Variants in LNX1 observed in about 807,000 individuals in gnomAD.
The protein encoded by LNX1 is ligand of numb-protein X 1.
Under a neutral mutation model 68.4 loss-of-function variants are expected in LNX1, and 54 were observed. That is an observed-to-expected ratio of 0.79 (90% CI 0.63 to 0.99). The LOEUF is 0.99. Among genes scored for constraint, LNX1 ranks in the 50% least tolerant of loss-of-function variants. The pLI, the probability that LNX1 is intolerant of heterozygous loss-of-function variation, is 0.00. For missense variants in LNX1, 906 were observed against 926.4 expected, an observed-to-expected ratio of 0.98 and a Z score of 0.29; for synonymous variants, 336 against 350.0, an observed-to-expected ratio of 0.96 and a Z score of 0.45.
At chr4:53,491,155 A>G (rs1363471130) in intron 6 of LNX1, among the ~76,000 whole-genome samples, 1 of 152,174 alleles carries the variant, frequency 6.6e-6, no homozygotes, top group Non-Finnish European at 1.5e-5. Flanking sequence ...ATTGCGAAGT[A>G]TAGTTGGCAA....
At chr4:53,617,727 C>A (rs1351327594), upstream of LNX1, among the ~76,000 whole-genome samples, 1 of 152,170 alleles carries the variant, frequency 6.6e-6, no homozygotes, top group African/African-American at 2.4e-5. Context: ...TTCAGTCCAG[C>A]CACTAAATTG....
chr4:53,601,523 G>A (rs552663948), intron 2 of LNX1, among the ~76,000 whole-genome samples: 144 of 152,306 alleles, frequency 9.5e-4, no homozygotes, highest in Middle Eastern at 3.4e-3. Context: ...AACACTGTTC[G>A]CGTTCTGGCC....
chr4:53,474,127 T>C (rs1428965146), intron 9 of LNX1, among the ~76,000 whole-genome samples: 1 of 152,256 alleles, frequency 6.6e-6, no homozygotes, highest in Non-Finnish European at 1.5e-5. Flanking sequence ...GCTGTTTAGA[T>C]GTACCATAAC....
At chr4:53,649,188 A>G (rs1735000631) in intron 1 of LNX1, among the ~76,000 whole-genome samples, 1 of 152,130 alleles carries the variant, frequency 6.6e-6, no homozygotes, top group South Asian at 2.1e-4. Context: ...TAATTAATTC[A>G]TTATATTTTG....
intron 2 of LNX1, among the ~76,000 whole-genome samples, chr4:53,610,994 G>T (rs1007772414): frequency 6.6e-6 from 1 of 151,968 alleles, no homozygotes; most frequent in East Asian, 1.9e-4. Context: ...AAGAGAATAC[G>T]ATATGAAACT....
At chr4:53,576,390 C>A in intron 1 of LNX1, 4 of 1,561,272 alleles carry the variant, frequency 2.6e-6, no homozygotes, top group Non-Finnish European at 3.5e-6. Context: ...AGGACTGACC[C>A]CTCACATGAC....
At chr4:53,494,196 G>C (rs563196343) in intron 6 of LNX1, among the ~76,000 whole-genome samples, 1 of 152,230 alleles carries the variant, frequency 6.6e-6, no homozygotes, top group South Asian at 2.1e-4. Flanking sequence ...TCTTGTGGTA[G>C]TAAGTCTCAC....
At chr4:53,648,172 C>G (rs992954272) in intron 1 of LNX1, among the ~76,000 whole-genome samples, 5 of 152,190 alleles carry the variant, frequency 3.3e-5, no homozygotes, top group African/African-American at 1.2e-4. Context: ...TTTTGGTGAA[C>G]CACCATACCA....
intron 4 of LNX1, among the ~76,000 whole-genome samples, chr4:53,501,285 T>TA (rs200343239): frequency 4.0e-4 from 16 of 39,978 alleles, no homozygotes; most frequent in East Asian, 3.6e-3. Context: ...AATAATCTTT[T>TA]TTTTTTTTTT....
chr4:53,647,317 G>C (rs566145844), intron 1 of LNX1, among the ~76,000 whole-genome samples: 15 of 152,322 alleles, frequency 9.8e-5, no homozygotes, highest in African/African-American at 3.1e-4. Flanking sequence ...GCATAATGCA[G>C]AGTGTCTCTT....
At chr4:53,509,036 G>C (rs1286270035) in intron 2 of LNX1, among the ~76,000 whole-genome samples, 1 of 152,180 alleles carries the variant, frequency 6.6e-6, no homozygotes, top group Non-Finnish European at 1.5e-5. Flanking sequence ...CATTCTCGAG[G>C]CTCAGAAGAC....
intron 2 of LNX1, among the ~76,000 whole-genome samples, chr4:53,518,495 AAATT>A (rs1414868640): frequency 6.6e-6 from 1 of 152,172 alleles, no homozygotes; most frequent in Non-Finnish European, 1.5e-5. Flanking sequence ...CTCAACTCAC[AAATT>A]AATAGTAACA....
chr4:53,636,348 A>T (rs1238011054), intron 1 of LNX1, among the ~76,000 whole-genome samples: 1 of 152,090 alleles, frequency 6.6e-6, no homozygotes, highest in African/African-American at 2.4e-5. Context: ...CACAATGAGG[A>T]TAAAGTGGCC....
chr4:53,497,468 A>G (rs1405877800), intron 5 of LNX1, among the ~76,000 whole-genome samples: 2 of 152,254 alleles, frequency 1.3e-5, no homozygotes, highest in African/African-American at 4.8e-5. Context: ...AGGCTCCCTC[A>G]TGCAAAGGCA....
intron 2 of LNX1, among the ~76,000 whole-genome samples, chr4:53,562,840 A>G (rs914232604): frequency 1.3e-5 from 2 of 152,234 alleles, no homozygotes; most frequent in Non-Finnish European, 2.9e-5. Context: ...TGCTTTAGCC[A>G]TTTCACAATA....
intron 2 of LNX1, among the ~76,000 whole-genome samples, chr4:53,610,785 T>C (rs550420571): frequency 6.8e-6 from 1 of 146,816 alleles, no homozygotes; most frequent in Non-Finnish European, 1.5e-5. Context: ...TAAAGAGAGA[T>C]AAATAAAGGC....
At chr4:53,609,510 C>A (rs893890600) in intron 2 of LNX1, among the ~76,000 whole-genome samples, 1 of 146,662 alleles carries the variant, frequency 6.8e-6, no homozygotes, top group Admixed American at 6.8e-5. Context: ...TTTATTTATA[C>A]GGAAATTTTA....
intron 2 of LNX1, among the ~76,000 whole-genome samples, chr4:53,508,962 C>A (rs889552578): frequency 2.0e-5 from 3 of 152,114 alleles, no homozygotes; most frequent in African/African-American, 7.2e-5. Flanking sequence ...CAGAAAACTC[C>A]ACAAAAACCA....
chr4:53,530,749 C>A (rs1337915795), intron 2 of LNX1, among the ~76,000 whole-genome samples: 2 of 152,234 alleles, frequency 1.3e-5, no homozygotes, highest in Admixed American at 6.5e-5. Context: ...ATGCCAAAGA[C>A]AAGACTATGC....
Sources: gnomAD v4.1 joint callset for allele counts (sites outside exome capture counted in the v4.1 genomes callset) on GRCh38, gnomAD v4.1.1 for gene constraint, MANE v1.5 for transcripts, NCBI Gene and HGNC (gene_info 2026-07-23, HGNC 2026-07-21) for gene names.